Variants in IL1RAPL1 observed in about 807,000 individuals in gnomAD.
The protein encoded by IL1RAPL1 is interleukin 1 receptor accessory protein like 1.
A neutral mutation model predicts 48.4 loss-of-function variants in IL1RAPL1; 3 were observed. The observed-to-expected ratio is 0.06, with a 90% CI of 0.03 to 0.16. The LOEUF is 0.16. Ranked by LOEUF, IL1RAPL1 falls within the 10% of genes least tolerant of loss-of-function variation. The probability of loss-of-function intolerance (pLI) is 1.00; values close to 1 mark genes in which losing one functional copy is unlikely to be tolerated. For missense variants in IL1RAPL1, 349 were observed against 530.6 expected, an observed-to-expected ratio of 0.66 and a Z score of 3.36; for synonymous variants, 185 against 187.7, an observed-to-expected ratio of 0.99 and a Z score of 0.12.
intron 3 of IL1RAPL1, among the ~76,000 whole-genome samples, chrX:29,345,709 C>T (rs1362152381): frequency 4.5e-5 from 5 of 111,167 alleles, no homozygotes; most frequent in Non-Finnish European, 7.5e-5. Flanking sequence ...AACTCTGGTA[C>T]ATTTATAGGT....
intron 3 of IL1RAPL1, among the ~76,000 whole-genome samples, chrX:29,352,668 T>G (rs1933248299): frequency 1.0e-5 from 1 of 97,936 alleles, no homozygotes; most frequent in Middle Eastern, 4.5e-3. Flanking sequence ...CTCAGACTAC[T>G]GGAATGTCCA....
At chrX:29,743,386 T>A (rs189215979) in intron 6 of IL1RAPL1, among the ~76,000 whole-genome samples, 79 of 109,804 alleles carry the variant, frequency 7.2e-4, no homozygotes, top group Non-Finnish European at 1.3e-3. Flanking sequence ...AATGAAAAGC[T>A]TCTTAATCAA....
At chrX:28,847,440 T>C (rs1921538168) in intron 2 of IL1RAPL1, among the ~76,000 whole-genome samples, 2 of 111,637 alleles carry the variant, frequency 1.8e-5, no homozygotes, top group Non-Finnish European at 3.8e-5. Context: ...TATTCTTCTC[T>C]ATTCAGCCTC....
intron 2 of IL1RAPL1, among the ~76,000 whole-genome samples, chrX:29,146,438 A>G (rs1260712378): frequency 9.0e-6 from 1 of 111,226 alleles, no homozygotes; most frequent in East Asian, 2.8e-4. Flanking sequence ...TGTTATCACC[A>G]TGTAATTTAC....
chrX:28,972,985 G>A (rs1352244882), intron 2 of IL1RAPL1, among the ~76,000 whole-genome samples: 1 of 110,946 alleles, frequency 9.0e-6, no homozygotes, highest in African/African-American at 3.3e-5. Context: ...TCCTGCTGTT[G>A]TTTCCTTGAT....
intron 2 of IL1RAPL1, among the ~76,000 whole-genome samples, chrX:29,059,855 GACTA>G (rs1339121327): frequency 9.0e-6 from 1 of 111,356 alleles, no homozygotes; most frequent in Non-Finnish European, 1.9e-5. Flanking sequence ...TTTAAAAAAA[GACTA>G]ACAGGTCAAA....
chrX:29,445,917 T>G (rs1275811850), intron 5 of IL1RAPL1, among the ~76,000 whole-genome samples: 1 of 111,853 alleles, frequency 8.9e-6, no homozygotes, highest in African/African-American at 3.2e-5. Flanking sequence ...TGTAACAAAG[T>G]TGCTGTTCAT....
chrX:29,667,412 C>T (rs1390048002), intron 5 of IL1RAPL1, among the ~76,000 whole-genome samples: 1 of 112,307 alleles, frequency 8.9e-6, no homozygotes, highest in Admixed American at 9.4e-5. Context: ...TTCCAGTTAT[C>T]AACCAAGCTG....
intron 2 of IL1RAPL1, among the ~76,000 whole-genome samples, chrX:29,216,122 C>T (rs928525474): frequency 8.9e-6 from 1 of 111,880 alleles, no homozygotes; most frequent in African/African-American, 3.2e-5. Context: ...TGTTAGTCAA[C>T]GAAATTGGAC....
intron 6 of IL1RAPL1, among the ~76,000 whole-genome samples, chrX:29,856,757 T>G (rs144581358): frequency 0.011 from 1,238 of 111,848 alleles, 17 homozygotes; most frequent in African/African-American, 0.037. Flanking sequence ...TTAGATATCT[T>G]GTAGTTTGCC....
chrX:28,723,851 AC>A (rs1407597753), intron 1 of IL1RAPL1, among the ~76,000 whole-genome samples: 1 of 111,852 alleles, frequency 8.9e-6, no homozygotes, highest in Non-Finnish European at 1.9e-5. Context: ...TTCGTTATGT[AC>A]CCAGTAGTCA....
At chrX:29,775,845 G>C (rs1403322740) in intron 6 of IL1RAPL1, among the ~76,000 whole-genome samples, 1 of 111,234 alleles carries the variant, frequency 9.0e-6, no homozygotes, top group Non-Finnish European at 1.9e-5. Context: ...TCTTCCTTTT[G>C]TCTTTCCTTA....
intron 5 of IL1RAPL1, among the ~76,000 whole-genome samples, chrX:29,655,076 G>T (rs1236806425): frequency 9.0e-6 from 1 of 111,216 alleles, no homozygotes; most frequent in Non-Finnish European, 1.9e-5. Flanking sequence ...TCATCATTGG[G>T]TCATGTAATC....
chrX:29,224,942 A>G (rs1332193016), intron 2 of IL1RAPL1, among the ~76,000 whole-genome samples: 1 of 112,172 alleles, frequency 8.9e-6, no homozygotes, highest in Non-Finnish European at 1.9e-5. Context: ...ACAGAAAATC[A>G]GAATGGTGTG....
chrX:29,529,729 A>G (rs1375705720), intron 5 of IL1RAPL1, among the ~76,000 whole-genome samples: 1 of 111,013 alleles, frequency 9.0e-6, no homozygotes, highest in African/African-American at 3.3e-5. Context: ...GGAAATACAT[A>G]CTGAAATATT....
At chrX:29,803,070 T>C (rs1198586939) in intron 6 of IL1RAPL1, among the ~76,000 whole-genome samples, 1 of 87,578 alleles carries the variant, frequency 1.1e-5, no homozygotes, top group Non-Finnish European at 2.2e-5. Flanking sequence ...TATGTATGCA[T>C]GTATACATAT....
intron 1 of IL1RAPL1, among the ~76,000 whole-genome samples, chrX:28,638,347 G>GAA (rs1355932312): frequency 9.0e-6 from 1 of 111,034 alleles, no homozygotes; most frequent in Non-Finnish European, 1.9e-5. Context: ...CAAGTACATT[G>GAA]AATAGAGTCT....
chrX:29,652,081 GA>G (rs1038046262), intron 5 of IL1RAPL1, among the ~76,000 whole-genome samples: 9 of 110,662 alleles, frequency 8.1e-5, no homozygotes, highest in African/African-American at 2.6e-4. Flanking sequence ...TAGATCTTCA[GA>G]AAAAAAGCAC....
chrX:29,552,090 T>A (rs769343091), intron 5 of IL1RAPL1, among the ~76,000 whole-genome samples: 2 of 111,351 alleles, frequency 1.8e-5, no homozygotes, highest in East Asian at 2.8e-4. Flanking sequence ...TCCAGGCCAT[T>A]GTATGTTTTC....
Sources: allele counts gnomAD v4.1 joint callset (sites outside exome capture counted in the v4.1 genomes callset), GRCh38; gene constraint gnomAD v4.1.1; transcripts MANE v1.5; gene names NCBI Gene and HGNC (gene_info 2026-07-23, HGNC 2026-07-21).